MISP: variants seen among roughly 807,000 people sequenced by gnomAD.
MISP encodes mitotic interactor and substrate of PLK1.
Under a neutral mutation model 49.3 loss-of-function variants are expected in MISP, and 51 were observed. The ratio of observed to expected loss-of-function variants is 1.03; its 90% CI spans 0.83 to 1.31. MISP has a LOEUF of 1.31. Ranked by LOEUF, MISP falls within the 50% of genes most tolerant of loss-of-function variation. MISP has a pLI of 0.00. For missense variants in MISP, 1,084 were observed against 935.1 expected, an observed-to-expected ratio of 1.16 and a Z score of -2.08; for synonymous variants, 444 against 392.6, an observed-to-expected ratio of 1.13 and a Z score of -1.55.
intron 4 of MISP, among the ~76,000 whole-genome samples, chr19:762,624 A>T (rs2033691075): frequency 3.9e-5 from 6 of 151,954 alleles, no homozygotes; most frequent in Admixed American, 3.9e-4. Context: ...GGTTTATGGC[A>T]CACGTGTGTG....
At chr19:763,363 G>T in intron 4 of MISP, 138 bp from the exon 5 acceptor site, 1 of 645,432 alleles carries the variant, frequency 1.5e-6, no homozygotes, top group Non-Finnish European at 2.9e-6. Context: ...ATATTACTAG[G>T]AGTAGAGGGT....
chr19:753,047 G>A (rs1457243712), intron 1 of MISP, among the ~76,000 whole-genome samples: 2 of 152,216 alleles, frequency 1.3e-5, no homozygotes, highest in East Asian at 3.9e-4. Context: ...CACAGCAGGC[G>A]AGAGCGAGGC....
chr19:761,033 C>T (rs1047054450), intron 3 of MISP, among the ~76,000 whole-genome samples: 6 of 150,244 alleles, frequency 4.0e-5, no homozygotes, highest in South Asian at 4.2e-4. Flanking sequence ...ATATTCCTCA[C>T]GTCACTTTTA....
chr19:763,060 C>T (rs984720845), intron 4 of MISP, among the ~76,000 whole-genome samples: 11 of 152,180 alleles, frequency 7.2e-5, no homozygotes, highest in African/African-American at 2.6e-4. Flanking sequence ...GAGGCCGAGG[C>T]GGGAGGATCA....
In MISP at chr19:754,468, AAAG is replaced by A. The variant is rs543081102; in HGVS notation, c.-57-2419_-57-2417del. 9.1e-3 allele frequency among the ~76,000 whole-genome samples: 1,389 copies of A among 152,234 alleles called. 14 individuals carry two copies. Among genetic ancestry groups the A allele is most frequent in the Non-Finnish European group, 0.015 (996 of 68,006 alleles). On this transcript the variant is annotated intron_variant, in intron 1 of 4. Coordinates refer to ENST00000215582, the MANE Select transcript of MISP (RefSeq NM_173481.4). ...ACAGAGTGAGACTCCGCCTCAAAAAAAAGAAAAAATTAGCCGGGTGTGGGGGCG... is the reference window on the plus strand; with the variant it reads ...ACAGAGTGAGACTCCGCCTCAAAAAAAAAAAATTAGCCGGGTGTGGGGGCG...
intron 1 of MISP, among the ~76,000 whole-genome samples, chr19:753,562 T>G (rs2033495380): frequency 6.6e-6 from 1 of 151,706 alleles, no homozygotes; most frequent in African/African-American, 2.4e-5. Context: ...ATTTTTTTTG[T>G]ATTTTTAGTA....
chr19:760,327 G>T lies in MISP; in HGVS notation c.1911+288G>T, dbSNP rs79697531. ...GGACCAACTCTGCTTGGAGGAGGAG[G>T]ACACTGGCAATTTGTCATCGTCACC... On this transcript the variant is annotated intron_variant, in intron 3 of 4. Coordinates refer to ENST00000215582, the MANE Select transcript of MISP (RefSeq NM_173481.4). 1,597 of 275,998 alleles carry T rather than the reference G, an allele frequency of 5.8e-3. 32 individuals carry two copies. The highest frequency in any genetic ancestry group is 0.034 in the African/African-American group (1,498 of 44,432). 17.1% of individuals were successfully genotyped at this position (275,998 alleles called of 1,614,324 possible).
intron 1 of MISP, among the ~76,000 whole-genome samples, chr19:752,838 C>T (rs532885867): frequency 1.1e-4 from 16 of 152,334 alleles, no homozygotes; most frequent in East Asian, 1.9e-4. Flanking sequence ...CCGCCCTCCC[C>T]GGGGAGCTCC....
At position 763,589 on chromosome 19, in the gene MISP, G is replaced by A. The variant is rs267605759; in HGVS notation, c.2039G>A (p.Ter680=). The A allele has an allele frequency of 1.2e-6, 2 of 1,612,536 alleles. No homozygotes were observed. Among genetic ancestry groups the A allele is most frequent in the Non-Finnish European group, 1.7e-6 (2 of 1,179,066 alleles). Residue 680 remains the stop codon, a stop_retained_variant, in exon 5 of 5, where the codon TGA becomes TAA. Coordinates refer to ENST00000215582, the MANE Select transcript of MISP (RefSeq NM_173481.4). ...SRIYASEEDD[*] is the part of the protein sequence containing the mutation. Reference sequence around the variant, plus strand: ...ATCTACGCCAGTGAGGAGGATGACTGAGCCTCGGGATGGGGCGCCCACCCC... The same window carrying A: ...ATCTACGCCAGTGAGGAGGATGACTAAGCCTCGGGATGGGGCGCCCACCCC...
At chr19:752,590 C>A (rs2033476775) in intron 1 of MISP, among the ~76,000 whole-genome samples, 1 of 152,028 alleles carries the variant, frequency 6.6e-6, no homozygotes, top group Non-Finnish European at 1.5e-5. Context: ...GCCCAGTGGC[C>A]TTGAACCCAA....
chr19:748,878 C>T (rs1046174618), upstream of MISP, among the ~76,000 whole-genome samples: 1 of 152,218 alleles, frequency 6.6e-6, no homozygotes, highest in Non-Finnish European at 1.5e-5. Flanking sequence ...GTGTTTCACA[C>T]CTGCAATCCT....
intron 4 of MISP, 145 bp from the exon 5 acceptor site, chr19:763,356 T>C: frequency 1.6e-6 from 1 of 617,366 alleles, no homozygotes; most frequent in South Asian, 2.0e-5. Context: ...TTTGATCATA[T>C]TACTAGGAGT....
At chr19:754,613 C>T (rs1435897693) in intron 1 of MISP, among the ~76,000 whole-genome samples, 3 of 152,194 alleles carry the variant, frequency 2.0e-5, no homozygotes, top group Non-Finnish European at 4.4e-5. Flanking sequence ...TGCATCGCAG[C>T]GAGACTCTGT....
chr19:755,544 T>G (rs1336490400), intron 1 of MISP, among the ~76,000 whole-genome samples: 6 of 151,952 alleles, frequency 3.9e-5, no homozygotes, highest in Admixed American at 3.3e-4. Context: ...GATGGAAAAA[T>G]CCCACACCAG....
intron 1 of MISP, among the ~76,000 whole-genome samples, chr19:754,149 T>C (rs1007408413): frequency 8.6e-5 from 13 of 151,250 alleles, no homozygotes; most frequent in African/African-American, 3.2e-4. Context: ...GAAACCCGTC[T>C]CTACTAACAA....
At chr19:753,148 GC>G (rs1261443804) in intron 1 of MISP, among the ~76,000 whole-genome samples, 1 of 152,208 alleles carries the variant, frequency 6.6e-6, no homozygotes, top group Non-Finnish European at 1.5e-5. Flanking sequence ...GGTCAGGGGA[GC>G]CATCTGTGCG....
intron 2 of MISP, among the ~76,000 whole-genome samples, chr19:759,324 T>C (rs2144964793): frequency 6.7e-6 from 1 of 150,328 alleles, no homozygotes; most frequent in African/African-American, 2.4e-5. Context: ...GCTCCCGGCC[T>C]GTTCATATAT....
In MISP at chr19:757,576, C is replaced by A. The variant is rs772351181; in HGVS notation, c.630C>A (p.Ala210=). ...GTCTGGAGCAGGCGAACAAGGGGGCCCCTCATAGCTCCCCGGCCAGGGGGA... is the reference window on the plus strand; with the variant it reads ...GTCTGGAGCAGGCGAACAAGGGGGCACCTCATAGCTCCCCGGCCAGGGGGA... ...FLSLEQANKG[A]PHSSPARGTP... is the part of the protein sequence containing the mutation. The change falls in exon 2 of 5, where the codon GCC becomes GCA. Residue 210 remains alanine (A), a synonymous_variant. Coordinates refer to ENST00000215582, the MANE Select transcript of MISP (RefSeq NM_173481.4). The A allele has an allele frequency of 8.7e-6, 14 of 1,612,926 alleles. No individual in the cohort carries two copies. In the South Asian group the frequency reaches 1.3e-4, roughly 15 times the overall value.
At chr19:755,659 C>T (rs1012280242) in intron 1 of MISP, among the ~76,000 whole-genome samples, 13 of 152,106 alleles carry the variant, frequency 8.5e-5, no homozygotes, top group African/African-American at 3.1e-4. Context: ...AGGCCAGGCG[C>T]GGTGGCTCAC....
Sources: gnomAD v4.1 joint callset for allele counts (sites outside exome capture counted in the v4.1 genomes callset) on GRCh38, gnomAD v4.1.1 for gene constraint, MANE v1.5 for transcripts, NCBI Gene and HGNC (gene_info 2026-07-23, HGNC 2026-07-21) for gene names.